Variants in GK observed in about 807,000 individuals in gnomAD.
GK encodes glycerol kinase, also known as ATP:glycerol 3-phosphotransferase.
In GK, 9 loss-of-function variants were observed where a neutral mutation model predicts 56.4. That is an observed-to-expected ratio of 0.16 (90% CI 0.10 to 0.28). GK has a LOEUF of 0.28. Ranked by LOEUF, GK falls within the 10% of genes least tolerant of loss-of-function variation. GK has a pLI of 1.00. For synonymous variants in GK, 104 were observed against 144.1 expected, an observed-to-expected ratio of 0.72 and a Z score of 1.99; for missense variants, 161 against 431.4, an observed-to-expected ratio of 0.37 and a Z score of 5.55.
intron 4 of GK, among the ~76,000 whole-genome samples, chrX:30,687,188 TC>T (rs778923761): frequency 9.0e-6 from 1 of 111,421 alleles, no homozygotes; most frequent in South Asian, 3.8e-4. Context: ...ATCCATCATT[TC>T]AATTTAGTGG....
At chrX:30,718,707 C>A in intron 14 of GK, 91 bp downstream of exon 14, 1 of 550,760 alleles carries the variant, frequency 1.8e-6, no homozygotes, top group Non-Finnish European at 3.2e-6. Context: ...TGCTTTGCCC[C>A]AAATGTGATC....
chrX:30,702,796 T>C (rs1935758828), intron 11 of GK, among the ~76,000 whole-genome samples: 1 of 112,866 alleles, frequency 8.9e-6, no homozygotes, highest in African/African-American at 3.2e-5. Flanking sequence ...TCTTCCTTTG[T>C]GAATAATGGA....
chrX:30,701,504 T>TG (rs1935663065), intron 11 of GK, among the ~76,000 whole-genome samples: 1 of 112,096 alleles, frequency 8.9e-6, no homozygotes, highest in Non-Finnish European at 1.9e-5. Context: ...CTTGCCTTTT[T>TG]GGGGAGATTG....
At chrX:30,665,638 A>C in intron 2 of GK, 54 bp downstream of exon 2, 4 of 722,110 alleles carry the variant, frequency 5.5e-6, no homozygotes, top group Non-Finnish European at 8.8e-6. Flanking sequence ...AGTCCATCTC[A>C]CCCAACTTGC....
chrX:30,724,976 G>T (rs111752944), intron 19 of GK, among the ~76,000 whole-genome samples: 5,773 of 109,980 alleles, frequency 0.052, 171 homozygotes, highest in Non-Finnish European at 0.077. Flanking sequence ...CGCCTCCTGG[G>T]TTTAAATGAT....
chrX:30,659,423 G>T (rs758531815), intron 1 of GK, among the ~76,000 whole-genome samples: 22 of 112,588 alleles, frequency 2.0e-4, no homozygotes, highest in Non-Finnish European at 3.2e-4. Flanking sequence ...GTCAAATTTG[G>T]CATGGAACAT....
chrX:30,701,833 A>C (rs1381440881), intron 11 of GK, among the ~76,000 whole-genome samples: 1 of 111,360 alleles, frequency 9.0e-6, no homozygotes, highest in Non-Finnish European at 1.9e-5. Context: ...ATCTAAGAGT[A>C]ATAAGAAGAT....
intron 4 of GK, among the ~76,000 whole-genome samples, chrX:30,687,273 G>A (rs949109217): frequency 3.6e-5 from 4 of 111,628 alleles, no homozygotes; most frequent in African/African-American, 1.3e-4. Context: ...ATAGAGAAGA[G>A]TCATCCTAAA....
At chrX:30,679,220 C>CT (rs767736013) in intron 4 of GK, among the ~76,000 whole-genome samples, 5,253 of 95,529 alleles carry the variant, frequency 0.055, 163 homozygotes, top group Non-Finnish European at 0.08. Context: ...AAATTCTGAG[C>CT]TTTTTTTTTT....
chrX:30,672,944 GTTATAA>G (rs1242083168), intron 3 of GK, among the ~76,000 whole-genome samples: 4 of 111,583 alleles, frequency 3.6e-5, no homozygotes, highest in African/African-American at 9.7e-5. Context: ...TAAAAAATGT[GTTATAA>G]TTATATGTTA....
chrX:30,696,012 A>G (rs1022131412), intron 6 of GK, 30 bp from the exon 7 acceptor site: 9 of 788,589 alleles, frequency 1.1e-5, no homozygotes, highest in Admixed American at 1.1e-4. Flanking sequence ...AATAAGTACA[A>G]ATTTAACCTG....
intron 4 of GK, among the ~76,000 whole-genome samples, chrX:30,687,226 A>G (rs1170190262): frequency 2.7e-5 from 3 of 111,412 alleles, no homozygotes; most frequent in African/African-American, 9.8e-5. Flanking sequence ...TTACCACCTG[A>G]GCCACTTTTC....
At chrX:30,701,737 A>T (rs931808105) in intron 11 of GK, among the ~76,000 whole-genome samples, 1 of 112,497 alleles carries the variant, frequency 8.9e-6, no homozygotes, top group African/African-American at 3.2e-5. Flanking sequence ...AAGCAGAAAG[A>T]ATGATAGAAG....
At position 30,730,787 on chromosome X, in the gene GK, C is replaced by G. The variant is rs767149175; in HGVS notation, c.*2045C>G. On this transcript the variant is annotated 3_prime_UTR_variant, in exon 21 of 21. Transcript: ENST00000427190. ...TAACCGACATGGAGAAACCCTATCT[C>G]TACTAAAAAAAAAAAAAGATGTTTC... 4 of 108,296 alleles carry G rather than the reference C, an allele frequency of 3.7e-5. No individual in the cohort carries two copies. Among genetic ancestry groups the G allele is most frequent in the South Asian group, 4.0e-4 (1 of 2,521 alleles). The allele number at this position is 108,296 out of a possible 1,213,427, so 8.9% of individuals were successfully genotyped here.
intron 9 of GK, among the ~76,000 whole-genome samples, chrX:30,699,302 G>GTA (rs757052028): frequency 4.7e-5 from 3 of 64,034 alleles, no homozygotes; most frequent in African/African-American, 5.9e-5. Flanking sequence ...TACATAACAT[G>GTA]TATATATATA....
At position 30,728,774 on chromosome X, in the gene GK, A is replaced by G. The variant is rs1397476579; in HGVS notation, c.*32A>G. On this transcript the variant is annotated 3_prime_UTR_variant, in exon 21 of 21. Coordinates refer to ENST00000427190, the MANE Select transcript of GK (RefSeq NM_001205019.2). Reference sequence around the variant, plus strand: ...CCAACTCATGGATTCCCAAGATGTGAGCTTTTTACATAATGAAAGAACCCA... The same window carrying G: ...CCAACTCATGGATTCCCAAGATGTGGGCTTTTTACATAATGAAAGAACCCA... 9.3e-7 allele frequency: 1 copy of G among 1,078,256 alleles called. No individual in the cohort carries two copies. 88.9% of individuals were successfully genotyped at this position (1,078,256 alleles called of 1,213,427 possible). A position where few individuals can be genotyped will look rare whatever the true frequency, so the allele number is the denominator to read the frequency against.
At chrX:30,708,864 T>C (rs2147238490) in intron 13 of GK, among the ~76,000 whole-genome samples, 1 of 112,260 alleles carries the variant, frequency 8.9e-6, no homozygotes, top group Non-Finnish European at 1.9e-5. Context: ...GCTCATTTTT[T>C]GGAGTGCCTG....
chrX:30,701,029 G>A (rs1935624961), intron 11 of GK, 124 bp downstream of exon 11: 2 of 509,249 alleles, frequency 3.9e-6, no homozygotes, highest in Non-Finnish European at 7.1e-6. Flanking sequence ...GCTCCAATAT[G>A]CATATATACA....
In GK at chrX:30,715,992, C is replaced by T. The variant is rs529658071; in HGVS notation, c.976-2546C>T. On this transcript the variant is annotated intron_variant, in intron 13 of 20. Coordinates refer to ENST00000427190, the MANE Select transcript of GK (RefSeq NM_001205019.2). Reference sequence around the variant, plus strand: ...TTAATCTAAATAATACTCTGATTCTCAACTAATTACCTCTAATCAAAACCT... The same window carrying T: ...TTAATCTAAATAATACTCTGATTCTTAACTAATTACCTCTAATCAAAACCT... 4.5e-5 allele frequency among the ~76,000 whole-genome samples: 5 copies of T among 111,470 alleles called. No homozygotes were observed. In the South Asian group the frequency reaches 1.9e-3, roughly 42 times the overall value.
Sources: allele counts gnomAD v4.1 joint callset (sites outside exome capture counted in the v4.1 genomes callset), GRCh38; gene constraint gnomAD v4.1.1; transcripts MANE v1.5; gene names NCBI Gene and HGNC (gene_info 2026-07-23, HGNC 2026-07-21).